Variants in MTSS2 observed in about 807,000 individuals in gnomAD.
The protein encoded by MTSS2 is MTSS I-BAR domain containing 2.
A neutral mutation model predicts 67.1 loss-of-function variants in MTSS2; 27 were observed. That is an observed-to-expected ratio of 0.40 (90% CI 0.30 to 0.55). MTSS2 has a LOEUF of 0.55. Ranked by LOEUF, MTSS2 falls within the 20% of genes least tolerant of loss-of-function variation. The probability of loss-of-function intolerance (pLI) is 0.43; values close to 1 mark genes in which losing one functional copy is unlikely to be tolerated. For synonymous variants in MTSS2, 624 were observed against 468.6 expected (o/e 1.33, Z -4.28); for missense variants, 1,171 against 1,067.8 (o/e 1.10, Z -1.35).
rs764054733 is a variant in MTSS2 at position 70,665,110 on chromosome 16, G to A, written c.1129-14C>T. 1.3e-6 allele frequency: 2 copies of A among 1,585,222 alleles called. No individual in the cohort carries two copies. The highest frequency in any genetic ancestry group is 1.7e-5 in the Admixed American group (1 of 58,708). ...CTTGGACCAGTCCTGCAGGGAGGGT[G>A]TGGCAGGTCAGGGGGACCACTGGCC... is the stretch of plus-strand genomic sequence containing the variant. On this transcript the variant is annotated splice_polypyrimidine_tract_variant and intron_variant, in intron 12 of 14. Coordinates refer to ENST00000338779, the MANE Select transcript of MTSS2 (RefSeq NM_138383.3).
At chr16:70,679,921 CGCGA>C in intron 4 of MTSS2, 44 bp from the exon 5 acceptor site, 1 of 1,523,692 alleles carries the variant, frequency 6.6e-7, no homozygotes, top group Non-Finnish European at 8.8e-7. Context: ...CGGGCTCCCC[CGCGA>C]CGCCCCGTCC....
chr16:70,677,405 G>A (rs1174107683), intron 9 of MTSS2, among the ~76,000 whole-genome samples: 2 of 152,150 alleles, frequency 1.3e-5, no homozygotes. Flanking sequence ...TGCAGTGGCA[G>A]CAGGGCTGGG....
chr16:70,681,872 T>TG (rs1200227616), intron 1 of MTSS2, among the ~76,000 whole-genome samples: 1 of 152,248 alleles, frequency 6.6e-6, no homozygotes, highest in Non-Finnish European at 1.5e-5. Context: ...ACCTCAGCCC[T>TG]GGCCCAAGGG....
At chr16:70,679,496 C>A in intron 6 of MTSS2, 134 bp downstream of exon 6, 1 of 1,239,838 alleles carries the variant, frequency 8.1e-7, no homozygotes, top group Non-Finnish European at 1.1e-6. Context: ...CTGTCCCACC[C>A]AACAGGTTGG....
rs746756231 is a variant in MTSS2 at position 70,664,959 on chromosome 16, T to C, written c.1266A>G (p.Ala422=). The change falls in exon 13 of 15, where the codon GCA becomes GCG. Residue 422 remains alanine, a synonymous_variant. Coordinates refer to ENST00000338779, the MANE Select transcript of MTSS2 (RefSeq NM_138383.3). The stretch of plus-strand genomic sequence containing the variant: ...TGGCAGGGGACATCCGGGGTCGCGG[T>C]GCCTCTTCCCCGCTGGGGCCCAGGG... The part of the protein sequence containing the change: ...GGTLGPSGEE[A]PRPRMSPATI... 6.8e-5 allele frequency: 107 copies of C among 1,572,332 alleles called. No individual in the cohort carries two copies. Among genetic ancestry groups the C allele is most frequent in the Non-Finnish European group, 8.9e-5 (104 of 1,167,430 alleles).
At chr16:70,682,027 C>T (rs2053318902) in intron 1 of MTSS2, among the ~76,000 whole-genome samples, 1 of 152,172 alleles carries the variant, frequency 6.6e-6, no homozygotes, top group African/African-American at 2.4e-5. Context: ...GAGACCCTGG[C>T]CCTCAGGGCC....
At chr16:70,667,062 G>C (rs568576104) in intron 11 of MTSS2, among the ~76,000 whole-genome samples, 2 of 152,232 alleles carry the variant, frequency 1.3e-5, no homozygotes, top group South Asian at 4.2e-4. Flanking sequence ...GATCACTTGA[G>C]CCCAGGAGTT....
In MTSS2 at chr16:70,672,241, G is replaced by A. The variant is rs529090992; in HGVS notation, c.1053+2065C>T. On this transcript the variant is annotated intron_variant, in intron 11 of 14. Coordinates refer to ENST00000338779, the MANE Select transcript of MTSS2 (RefSeq NM_138383.3). ...GCATGCCTGTAATCCCAGCTACTTG[G>A]GAGGCTGAGGCAGGAGAATCACTTG... Among the ~76,000 whole-genome samples, 48 of 152,102 alleles carry A rather than the reference G, an allele frequency of 3.2e-4. No homozygotes were observed. In the South Asian group the frequency reaches 5.0e-3, roughly 16 times the overall value.
intron 9 of MTSS2, among the ~76,000 whole-genome samples, chr16:70,677,219 C>T (rs1030442845): frequency 6.6e-6 from 1 of 152,170 alleles, no homozygotes; most frequent in Non-Finnish European, 1.5e-5. Context: ...CTGGGCTGGG[C>T]GAGAGTGACC....
chr16:70,661,587 G>T lies in MTSS2; in HGVS notation c.*2090C>A. The T allele has an allele frequency of 2.8e-6, 1 of 351,848 alleles. No homozygotes were observed. Among genetic ancestry groups the T allele is most frequent in the East Asian group, 7.7e-5 (1 of 12,952 alleles). 21.8% of individuals were successfully genotyped at this position (351,848 alleles called of 1,614,324 possible). On this transcript the variant is annotated 3_prime_UTR_variant, in exon 15 of 15. Transcript: ENST00000338779. ...GTTTGTGATGTGGGATGGTTGGCTC[G>T]GATCCCGAGGTGGGTGGGCCTATGA...
In MTSS2 at chr16:70,664,410, T is replaced by C; in HGVS notation, c.1511A>G (p.Asp504Gly). ...YDCYSVNGDA[D>G]SEGPPEFDKS... ...GTCAAACTCGGGCGGGCCCTCGCTG[T>C]CCGCATCCCCATTCACGGAGTAGCA... The change falls in exon 15 of 15, where the codon GAC becomes GGC. Residue 504 changes from aspartate to glycine, a missense_variant. Asp to Gly is a moderately conservative substitution (Grantham distance 94). Coordinates refer to ENST00000338779, the MANE Select transcript of MTSS2 (RefSeq NM_138383.3). The C allele has an allele frequency of 2.5e-5, 39 of 1,551,634 alleles. No homozygotes were observed. The highest frequency in any genetic ancestry group is 3.3e-5 in the Non-Finnish European group (38 of 1,153,584).
rs1250208671 is a variant in MTSS2, at chr16:70,663,130, C to T, written c.*547G>A. The T allele has an allele frequency of 6.5e-6, 1 of 153,996 alleles. No homozygotes were observed. Among genetic ancestry groups the T allele is most frequent in the African/African-American group, 2.4e-5 (1 of 41,500 alleles). The allele number at this position is 153,996 out of a possible 1,614,324, so 9.5% of individuals were successfully genotyped here. A position where few individuals can be genotyped will look rare whatever the true frequency, so the allele number is the denominator to read the frequency against. On this transcript the variant is annotated 3_prime_UTR_variant, in exon 15 of 15. Coordinates refer to ENST00000338779, the MANE Select transcript of MTSS2 (RefSeq NM_138383.3). ...GGCCGCCCAACTCCAACCTGCCGCC[C>T]TGGCCCCCAGCCCCCAGCAGACATC... is the stretch of plus-strand genomic sequence containing the variant.
Position 70,663,874 on chromosome 16 carries a change from C to T in MTSS2, c.2047G>A (p.Ala683Thr), listed in dbSNP as rs1567480525. The stretch of plus-strand genomic sequence containing the variant: ...CCCTCACCCAGTGCGTGGGCACCCG[C>T]CACCAGCTCCCCCAGCTTCTCCACC... Reference protein sequence around the residue: ...SLVEKLGELVAGAHALGEGQF... With the variant: ...SLVEKLGELVTGAHALGEGQF... The change falls in exon 15 of 15, where the codon GCG becomes ACG. Residue 683 changes from alanine to threonine, a missense_variant. Around this residue, in one of 2 missense-constraint regions of MTSS2, gnomAD observed 924 missense variants for 756.0 expected, o/e 1.22. Coordinates refer to ENST00000338779, the MANE Select transcript of MTSS2 (RefSeq NM_138383.3). The T allele has an allele frequency of 6.5e-7, 1 of 1,544,980 alleles. No homozygotes were observed. Among genetic ancestry groups the T allele is most frequent in the Non-Finnish European group, 8.7e-7 (1 of 1,147,306 alleles).
In MTSS2 at chr16:70,664,195, G is replaced by C; in HGVS notation, c.1726C>G (p.Arg576Gly). The C allele has an allele frequency of 6.3e-7, 1 of 1,595,976 alleles. No homozygotes were observed. The highest frequency in any genetic ancestry group is 8.5e-7 in the Non-Finnish European group (1 of 1,175,390). Residue 576 changes from arginine to glycine, a missense_variant, in exon 15 of 15, where the codon CGC becomes GGC. This residue lies in a region of MTSS2 where 924 missense variants were observed against 756.0 expected (regional missense o/e 1.22). Coordinates refer to ENST00000338779, the MANE Select transcript of MTSS2 (RefSeq NM_138383.3). ...RTPSTKPTVR[R>G]ALSSAGPIPI... Reference sequence around the variant, plus strand: ...ATGGGGCCAGCGCTGGACAGGGCGCGGCGCACGGTGGGCTTGGTGGAGGGT... The same window carrying C: ...ATGGGGCCAGCGCTGGACAGGGCGCCGCGCACGGTGGGCTTGGTGGAGGGT...
chr16:70,683,515 T>G (rs1192465867), intron 1 of MTSS2, among the ~76,000 whole-genome samples: 1 of 152,252 alleles, frequency 6.6e-6, no homozygotes, highest in Admixed American at 6.5e-5. Context: ...ATTTTCTGGC[T>G]GGGCCAGCAC....
At chr16:70,667,885 A>G (rs564848726) in intron 11 of MTSS2, among the ~76,000 whole-genome samples, 1 of 152,000 alleles carries the variant, frequency 6.6e-6, no homozygotes, top group South Asian at 2.1e-4. Flanking sequence ...AAAAAAAACC[A>G]AAAAACCAAA....
rs1186590986 is a variant in MTSS2, at chr16:70,665,003, C to A, written c.1222G>T (p.Gly408Cys). 11 of 1,593,462 alleles carry A rather than the reference C, an allele frequency of 6.9e-6. No homozygotes were observed. The highest frequency in any genetic ancestry group is 8.5e-6 in the Non-Finnish European group (10 of 1,178,048). ...CCCAGGGTGCCCCCACTGGCAGGGC[C>A]TGGCTCTGTGTCTCGCAGGAGCTCC... is the stretch of plus-strand genomic sequence containing the variant. ...RVELLRDTEP[G>C]PASGGTLGPS... The change falls in exon 13 of 15, where the codon GGC becomes TGC. Residue 408 changes from glycine (G) to cysteine (C), a missense_variant. This residue lies in a region of MTSS2 where 924 missense variants were observed against 756.0 expected (regional missense o/e 1.22). Transcript: ENST00000338779.
chr16:70,679,529 G>A, intron 6 of MTSS2, 101 bp downstream of exon 6: 2 of 1,343,594 alleles, frequency 1.5e-6, no homozygotes, highest in East Asian at 2.5e-5. Context: ...CGGGGACAGC[G>A]CCCCTCTGGC....
chr16:70,682,206 CA>C (rs1424709789), intron 1 of MTSS2, among the ~76,000 whole-genome samples: 2 of 152,298 alleles, frequency 1.3e-5, no homozygotes, highest in Non-Finnish European at 2.9e-5. Flanking sequence ...CAAATATTTG[CA>C]AAGTCCACAG....
Sources: gnomAD v4.1 joint callset for allele counts (sites outside exome capture counted in the v4.1 genomes callset) on GRCh38, gnomAD v4.1.1 for gene constraint, gnomAD v4.1.1 regional missense constraint, MANE v1.5 for transcripts, NCBI Gene and HGNC (gene_info 2026-07-23, HGNC 2026-07-21) for gene names.